Variants in PTPRM observed in about 807,000 individuals in gnomAD.
The protein encoded by PTPRM is protein tyrosine phosphatase receptor type M, also known as receptor-type tyrosine-protein phosphatase mu.
A neutral mutation model predicts 186.7 loss-of-function variants in PTPRM; 47 were observed. The observed-to-expected ratio is 0.25, with a 90% CI of 0.20 to 0.32. The LOEUF (loss-of-function observed/expected upper bound fraction) is 0.32, where lower values mean the gene tolerates loss of function less well. Among genes scored for constraint, PTPRM ranks in the 10% least tolerant of loss-of-function variants. PTPRM has a pLI of 1.00. For synonymous variants in PTPRM, 668 were observed against 674.9 expected (o/e 0.99, Z 0.16); for missense variants, 1,494 against 1,865.0 (o/e 0.80, Z 3.66).
chr18:8,055,638 T>C (rs1015565970), intron 7 of PTPRM, among the ~76,000 whole-genome samples: 1 of 151,378 alleles, frequency 6.6e-6, no homozygotes, highest in African/African-American at 2.5e-5. Context: ...TTGTTTCTTA[T>C]CTCTTTTGAC....
At chr18:8,100,837 G>T (rs1203309421) in intron 11 of PTPRM, among the ~76,000 whole-genome samples, 2 of 152,124 alleles carry the variant, frequency 1.3e-5, no homozygotes, top group Non-Finnish European at 2.9e-5. Flanking sequence ...CAGTCTTTAT[G>T]CCCATTATAC....
chr18:8,394,301 A>T (rs1208186874), intron 31 of PTPRM, among the ~76,000 whole-genome samples, 175 bp from the exon 32 acceptor site: 2 of 152,152 alleles, frequency 1.3e-5, no homozygotes, highest in African/African-American at 4.8e-5. Context: ...AACACTGCGG[A>T]TGGCTTGCTC....
chr18:8,378,238 A>T, intron 26 of PTPRM, 27 bp from the exon 27 acceptor site: 1 of 1,586,920 alleles, frequency 6.3e-7, no homozygotes, highest in Admixed American at 1.7e-5. Context: ...CTCTAAAGTT[A>T]GTAACTCGTT....
chr18:7,834,990 ATCTT>A (rs1567890504), intron 2 of PTPRM, among the ~76,000 whole-genome samples: 5 of 61,036 alleles, frequency 8.2e-5, no homozygotes, highest in Admixed American at 7.5e-4. Context: ...ATTTATTTGG[ATCTT>A]TTTTTTTTTT....
intron 19 of PTPRM, among the ~76,000 whole-genome samples, chr18:8,294,597 A>G (rs925165407): frequency 2.6e-5 from 4 of 152,216 alleles, no homozygotes; most frequent in African/African-American, 9.6e-5. Flanking sequence ...GTGGGGACAC[A>G]GCCAAACCAT....
At chr18:8,057,425 C>CTTTTTTTTTTTTTTTTTTTTTTTTGTTTT (rs763829289) in intron 7 of PTPRM, among the ~76,000 whole-genome samples, 1 of 102,560 alleles carries the variant, frequency 9.8e-6, no homozygotes, top group African/African-American at 4.3e-5. Context: ...TGTGATACTT[C>CTTTTTTTTTTTTTTTTTTTTTTTTGTTTT]TTTTTTTTTT....
chr18:7,667,218 A>G (rs2039116247), intron 1 of PTPRM, among the ~76,000 whole-genome samples: 1 of 152,250 alleles, frequency 6.6e-6, no homozygotes, highest in Non-Finnish European at 1.5e-5. Flanking sequence ...TTTTATGATG[A>G]TATCATGTAA....
chr18:7,677,517 A>AT (rs2039372822), intron 1 of PTPRM, among the ~76,000 whole-genome samples: 1 of 152,132 alleles, frequency 6.6e-6, no homozygotes, highest in Non-Finnish European at 1.5e-5. Context: ...CCTTCCTTAG[A>AT]AGGCCCTTAC....
At chr18:7,771,934 A>G (rs1367998465) in intron 1 of PTPRM, among the ~76,000 whole-genome samples, 1 of 152,226 alleles carries the variant, frequency 6.6e-6, no homozygotes, top group Non-Finnish European at 1.5e-5. Context: ...TCAGAAAACC[A>G]TCTACTTTCT....
chr18:8,374,154 G>A (rs1479021204), intron 24 of PTPRM, among the ~76,000 whole-genome samples: 4 of 152,164 alleles, frequency 2.6e-5, no homozygotes, highest in African/African-American at 9.7e-5. Flanking sequence ...CAAGGGTGGA[G>A]GTTTAATTTT....
chr18:8,370,189 CAAA>C (rs11288424), intron 23 of PTPRM, among the ~76,000 whole-genome samples: 9 of 121,850 alleles, frequency 7.4e-5, no homozygotes, highest in Admixed American at 7.9e-5. Flanking sequence ...ACATTCTTAC[CAAA>C]AAAAAAAAAA....
At chr18:7,583,423 A>G (rs2036896602) in intron 1 of PTPRM, among the ~76,000 whole-genome samples, 1 of 152,146 alleles carries the variant, frequency 6.6e-6, no homozygotes, top group South Asian at 2.1e-4. Context: ...AAAAGTGCTC[A>G]TTTCCCTGGG....
chr18:7,890,188 TTTCTC>T (rs2048999434), intron 3 of PTPRM, among the ~76,000 whole-genome samples: 1 of 152,220 alleles, frequency 6.6e-6, no homozygotes. Flanking sequence ...ATATTTTGCT[TTTCTC>T]TTTCTTTAAT....
rs67547673 is a variant in PTPRM, at chr18:8,209,989, T to TAA, written c.2301-34040_2301-34039dup. ...TGTATCCCGGAACTTGAAGTAAAAT[T>TAA]AAAAAAAAAAAAAAAAAAAAAAAAA... is the stretch of plus-strand genomic sequence containing the variant. On this transcript the variant is annotated intron_variant, in intron 14 of 32. Coordinates refer to ENST00000580170, the MANE Select transcript of PTPRM (RefSeq NM_001105244.2). Among the ~76,000 whole-genome samples, 140 of 78,696 alleles carry TAA rather than the reference T, an allele frequency of 1.8e-3. 2 individuals are homozygous for TAA. The highest frequency in any genetic ancestry group is 6.7e-3 in the East Asian group (11 of 1,638). 51.6% of individuals were successfully genotyped at this position (78,696 alleles called of 152,430 possible).
chr18:8,288,406 G>GT (rs1264108589), intron 19 of PTPRM, among the ~76,000 whole-genome samples: 1 of 152,142 alleles, frequency 6.6e-6, no homozygotes, highest in Non-Finnish European at 1.5e-5. Context: ...TTATTAAACT[G>GT]TTTTTTAGGG....
chr18:7,647,301 T>C (rs2038588957), intron 1 of PTPRM, among the ~76,000 whole-genome samples: 2 of 152,218 alleles, frequency 1.3e-5, no homozygotes, highest in African/African-American at 2.4e-5. Context: ...ATTTCTGCAA[T>C]GTGTTGAAAT....
intron 8 of PTPRM, among the ~76,000 whole-genome samples, chr18:8,075,507 G>T (rs957249060): frequency 3.9e-5 from 6 of 151,988 alleles, no homozygotes; most frequent in African/African-American, 1.5e-4. Flanking sequence ...ACACTAAATT[G>T]TCTATAACAT....
chr18:7,983,262 T>C (rs2082655627), intron 7 of PTPRM, among the ~76,000 whole-genome samples: 1 of 151,924 alleles, frequency 6.6e-6, no homozygotes, highest in Non-Finnish European at 1.5e-5. Flanking sequence ...TTATGAACTG[T>C]GCATGCGAGG....
intron 4 of PTPRM, among the ~76,000 whole-genome samples, chr18:7,909,519 G>A (rs866011875): frequency 2.6e-5 from 4 of 152,106 alleles, no homozygotes; most frequent in African/African-American, 9.7e-5. Context: ...TTTTAAAGAA[G>A]GCAATAGTTT....
Sources: allele counts gnomAD v4.1 joint callset (sites outside exome capture counted in the v4.1 genomes callset), GRCh38; gene constraint gnomAD v4.1.1; transcripts MANE v1.5; gene names NCBI Gene and HGNC (gene_info 2026-07-23, HGNC 2026-07-21).